The following TLN2 variants were observed in gnomAD, a reference collection of about 807,000 sequenced individuals.
TLN2 encodes talin 2, also known as talin-2.
TLN2 carries 118 observed loss-of-function variants against 294.7 expected under a neutral mutation model. That is an observed-to-expected ratio of 0.40 (90% CI 0.34 to 0.47). The LOEUF is 0.47. TLN2 is among the 20% of genes least tolerant of loss of function. The pLI, the probability that TLN2 is intolerant of heterozygous loss-of-function variation, is 0.84. For missense variants in TLN2, 3,083 were observed against 3,282.2 expected, an observed-to-expected ratio of 0.94 and a Z score of 1.48; for synonymous variants, 1,431 against 1,304.5, an observed-to-expected ratio of 1.10 and a Z score of -2.09.
intron 11 of TLN2, chr15:62,682,888 G>A (rs1340775545): frequency 6.6e-6 from 1 of 152,148 alleles, no homozygotes; most frequent in South Asian, 2.1e-4. Context: ...ATTACCTGGA[G>A]AACAGACCCT....
chr15:62,573,621 G>C (rs1322040042), intron 1 of TLN2, among the ~76,000 whole-genome samples: 2 of 152,006 alleles, frequency 1.3e-5, no homozygotes, highest in Non-Finnish European at 2.9e-5. Context: ...TTCCAGCCTG[G>C]GGGTGGAAGA....
In TLN2 at chr15:62,792,871, ACT is replaced by A. The variant is rs1378185208; in HGVS notation, c.5883+86_5883+87del. The A allele has an allele frequency of 3.2e-6, 5 of 1,556,868 alleles. No homozygotes were observed. In the African/African-American group the frequency reaches 5.5e-5, roughly 17 times the overall value. On this transcript the variant is annotated intron_variant, in intron 46 of 58. Coordinates refer to ENST00000636159, the MANE Select transcript of TLN2 (RefSeq NM_015059.3). Reference sequence around the variant, plus strand: ...CTGTAATCAAGGACAAAAGCAGGAAACTCAGCCAAAACTAACCCAGCTGACTC... The same window carrying A: ...CTGTAATCAAGGACAAAAGCAGGAAACAGCCAAAACTAACCCAGCTGACTC...
intron 2 of TLN2, among the ~76,000 whole-genome samples, chr15:62,614,370 A>G (rs1483817462): frequency 6.6e-6 from 1 of 152,206 alleles, no homozygotes; most frequent in African/African-American, 2.4e-5. Context: ...TGTGGCAGGT[A>G]AGGGATTTTG....
chr15:62,790,656 T>C (rs2065009182), intron 45 of TLN2, among the ~76,000 whole-genome samples: 1 of 152,372 alleles, frequency 6.6e-6, no homozygotes, highest in South Asian at 2.1e-4. Flanking sequence ...TGCCTCTAGA[T>C]TATCTTACCC....
intron 1 of TLN2, among the ~76,000 whole-genome samples, chr15:62,491,491 T>C (rs545480563): frequency 6.6e-6 from 1 of 151,404 alleles, no homozygotes; most frequent in Admixed American, 6.6e-5. Context: ...AGACAAATGG[T>C]TGCATTATTT....
intron 1 of TLN2, among the ~76,000 whole-genome samples, chr15:62,568,519 T>A (rs2043600413): frequency 6.6e-6 from 1 of 152,210 alleles, no homozygotes; most frequent in South Asian, 2.1e-4. Context: ...CTCTTCAGAA[T>A]GTTGGAAGCA....
chr15:62,557,405 G>A (rs1036891487), intron 1 of TLN2, among the ~76,000 whole-genome samples: 1 of 152,192 alleles, frequency 6.6e-6, no homozygotes, highest in African/African-American at 2.4e-5. Context: ...GGAAGAGAAT[G>A]ACACACAAGA....
At position 62,771,010 on chromosome 15, in the gene TLN2, T is replaced by C. The variant is rs767846902; in HGVS notation, c.5243T>C (p.Val1748Ala). The C allele has an allele frequency of 9.9e-6, 16 of 1,612,106 alleles. No homozygotes were observed. The highest frequency in any genetic ancestry group is 1.4e-5 in the Non-Finnish European group (16 of 1,179,688). The part of the protein sequence containing the change: ...SYFEPLILAA[V>A]GVASKILDHQ... Reference sequence around the variant, plus strand: ...TTTGAGCCCTTGATCTTAGCCGCAGTTGGTGTGGCCTCCAAGATTCTTGAT... The same window carrying C: ...TTTGAGCCCTTGATCTTAGCCGCAGCTGGTGTGGCCTCCAAGATTCTTGAT... The change falls in exon 42 of 59, where the codon GTT becomes GCT. Residue 1748 changes from valine to alanine, a missense_variant. Coordinates refer to ENST00000636159, the MANE Select transcript of TLN2 (RefSeq NM_015059.3).
intron 1 of TLN2, among the ~76,000 whole-genome samples, chr15:62,537,959 C>G (rs1017143473): frequency 6.6e-6 from 1 of 152,168 alleles, no homozygotes; most frequent in Admixed American, 6.5e-5. Context: ...TGGTGGCTCA[C>G]GTCTGTAATC....
intron 2 of TLN2, among the ~76,000 whole-genome samples, chr15:62,604,437 G>A (rs1356596420): frequency 6.6e-6 from 1 of 151,442 alleles, no homozygotes; most frequent in Non-Finnish European, 1.5e-5. Flanking sequence ...CAGCCACTTG[G>A]GAGACTGAGG....
chr15:62,814,560 T>A (rs1002994798), intron 52 of TLN2, among the ~76,000 whole-genome samples: 7 of 152,232 alleles, frequency 4.6e-5, no homozygotes, highest in Admixed American at 4.6e-4. Flanking sequence ...AGGATGTGAA[T>A]GAAATAGCAT....
rs1294887579 is a variant in TLN2 at position 62,697,698 on chromosome 15, T to C, written c.1303T>C (p.Leu435=). The C allele has an allele frequency of 1.3e-6, 2 of 1,598,444 alleles. No homozygotes were observed. Among genetic ancestry groups the C allele is most frequent in the Non-Finnish European group, 1.7e-6 (2 of 1,168,512 alleles). Residue 435 remains leucine (L), a synonymous_variant, in exon 15 of 59, where the codon TTG becomes CTG. Coordinates refer to ENST00000636159, the MANE Select transcript of TLN2 (RefSeq NM_015059.3). ...CACTTTTCCCGGCAGGTCCACCATC[T>C]TGCAGCAGCAGTTCAACCGGACCGG... is the stretch of plus-strand genomic sequence containing the variant. ...ESVSPKKSTI[L]QQQFNRTGKA... is the part of the protein sequence containing the mutation.
chr15:62,703,627 G>GCACACA (rs71131124), intron 19 of TLN2, among the ~76,000 whole-genome samples: 43 of 116,810 alleles, frequency 3.7e-4, no homozygotes, highest in Admixed American at 1.3e-3. Flanking sequence ...ACACACGCGC[G>GCACACA]CACACACACA....
chr15:62,818,213 C>A (rs2067270182), intron 52 of TLN2, among the ~76,000 whole-genome samples: 1 of 152,186 alleles, frequency 6.6e-6, no homozygotes, highest in South Asian at 2.1e-4. Context: ...GGTTTGAACA[C>A]AAGTTTGTTC....
Position 62,702,868 on chromosome 15 carries a change from A to C in TLN2, c.2004+4A>C, listed in dbSNP as rs1361135640. The C allele has an allele frequency of 6.2e-7, 1 of 1,613,174 alleles. No individual in the cohort carries two copies. Among genetic ancestry groups the C allele is most frequent in the African/African-American group, 1.3e-5 (1 of 74,908 alleles). ...TGAGACTGATGAGCGATTCCAGGTA[A>C]GATATTTGCAGGCTTATAGTCATGG... On this transcript the variant is annotated splice_donor_region_variant and intron_variant, in intron 19 of 58. Transcript: ENST00000636159.
intron 1 of TLN2, among the ~76,000 whole-genome samples, chr15:62,542,550 A>G (rs1290011949): frequency 6.6e-6 from 1 of 152,204 alleles, no homozygotes; most frequent in Non-Finnish European, 1.5e-5. Context: ...ATAACGGGAA[A>G]ATACTGTATA....
In TLN2 at chr15:62,833,576, G is replaced by A. The variant is rs62004656; in HGVS notation, c.7075G>A (p.Ala2359Thr). Residue 2359 changes from alanine to threonine, a missense_variant, in exon 55 of 59, where the codon GCC (alanine) becomes ACC (threonine). Coordinates refer to ENST00000636159, the MANE Select transcript of TLN2 (RefSeq NM_015059.3). ...AAKSIAAATSALVKSASAAQR... is the reference protein window; with the variant it reads ...AAKSIAAATSTLVKSASAAQR... Reference sequence around the variant, plus strand: ...TAAATCCATTGCTGCTGCCACAAGCGCCCTGGTCAAATCGGCCTCAGCAGC... The same window carrying A: ...TAAATCCATTGCTGCTGCCACAAGCACCCTGGTCAAATCGGCCTCAGCAGC... 1,264 of 1,614,162 alleles carry A rather than the reference G, an allele frequency of 7.8e-4. 1 individual carries two copies. The highest frequency in any genetic ancestry group is 2.1e-3 in the Admixed American group (124 of 60,018).
In TLN2 at chr15:62,708,512, C is replaced by G. The variant is rs1324530006; in HGVS notation, c.2183C>G (p.Pro728Arg). The part of the protein sequence containing the change: ...QLVACAKVVS[P>R]TISSPVCQEQ... ...CCTGTCTCACTTCAGGTTGTGAGCC[C>G]CACTATTAGCTCCCCTGTGTGCCAG... is the stretch of plus-strand genomic sequence containing the variant. The change falls in exon 21 of 59, where the codon CCC (proline) becomes CGC (arginine). Residue 728 changes from proline (P) to arginine (R), a missense_variant. By Grantham distance (103) the Pro-to-Arg change is moderately radical. Transcript: ENST00000636159. The G allele has an allele frequency of 6.2e-7, 1 of 1,612,780 alleles. No homozygotes were observed. Among genetic ancestry groups the G allele is most frequent in the Non-Finnish European group, 8.5e-7 (1 of 1,178,918 alleles).
At chr15:62,623,398 A>G (rs2049001253) in intron 3 of TLN2, among the ~76,000 whole-genome samples, 2 of 152,226 alleles carry the variant, frequency 1.3e-5, no homozygotes, top group African/African-American at 4.8e-5. Flanking sequence ...TCTTTTACAT[A>G]GCTGATCCAG....
Sources: allele counts gnomAD v4.1 joint callset (sites outside exome capture counted in the v4.1 genomes callset), GRCh38; gene constraint gnomAD v4.1.1; transcripts MANE v1.5; gene names NCBI Gene and HGNC (gene_info 2026-07-23, HGNC 2026-07-21).